The following NECTIN3 variants were observed in gnomAD, a reference collection of about 807,000 sequenced individuals.
The protein encoded by NECTIN3 is nectin cell adhesion molecule 3.
In NECTIN3, 8 loss-of-function variants were observed where a neutral mutation model predicts 49.4. The observed-to-expected ratio is 0.16, with a 90% CI of 0.10 to 0.29. The LOEUF is 0.29. NECTIN3 is among the 10% of genes least tolerant of loss of function. The pLI, the probability that NECTIN3 is intolerant of heterozygous loss-of-function variation, is 1.00. For synonymous variants in NECTIN3, 277 were observed against 241.1 expected (o/e 1.15, Z -1.38); for missense variants, 581 against 654.6 (o/e 0.89, Z 1.23).
At chr3:111,128,510 G>A (rs767818231) in intron 5 of NECTIN3, among the ~76,000 whole-genome samples, 2 of 151,924 alleles carry the variant, frequency 1.3e-5, no homozygotes, top group Non-Finnish European at 2.9e-5. Flanking sequence ...AGTCTAATAG[G>A]TATTTACAAC....
At position 111,136,409 on chromosome 3, in the gene NECTIN3, A is replaced by G; in HGVS notation, c.*2194A>G. On this transcript the variant is annotated 3_prime_UTR_variant, in exon 6 of 6. Coordinates refer to ENST00000485303, the MANE Select transcript of NECTIN3 (RefSeq NM_015480.3). ...GGGAGAGGGTGACCTGGAAAGCCAC[A>G]AGTGAGTATTTGACATATTCTGTAT... 1 of 984,600 alleles carries G rather than the reference A, an allele frequency of 1.0e-6. No homozygotes were observed. The highest frequency in any genetic ancestry group is 1.2e-6 in the Non-Finnish European group (1 of 829,372). 61.0% of individuals were successfully genotyped at this position (984,600 alleles called of 1,614,324 possible).
intron 5 of NECTIN3, 83 bp downstream of exon 5, chr3:111,126,418 T>C: frequency 5.0e-6 from 6 of 1,189,404 alleles, no homozygotes; most frequent in Non-Finnish European, 7.1e-6. Context: ...AAGCAATAAT[T>C]TGTACTTGTA....
intron 4 of NECTIN3, among the ~76,000 whole-genome samples, chr3:111,125,022 CTTTT>C (rs869201432): frequency 1.1e-3 from 102 of 90,198 alleles, no homozygotes; most frequent in African/African-American, 4.4e-3. Flanking sequence ...TCTTTTCTTT[CTTTT>C]TTTTTTTTTT....
chr3:111,167,286 A>G (rs114850094), intron 7 of NECTIN3, among the ~76,000 whole-genome samples: 1,698 of 152,334 alleles, frequency 0.011, 13 homozygotes, highest in Middle Eastern at 0.041. Context: ...TAAGAAAGGC[A>G]TTAGAATCAG....
At chr3:111,128,323 C>CAA (rs879296773) in intron 5 of NECTIN3, among the ~76,000 whole-genome samples, 7 of 84,568 alleles carry the variant, frequency 8.3e-5, no homozygotes, top group South Asian at 3.6e-4. Context: ...AACTCTGTCT[C>CAA]AAAAAAAAAA....
intron 7 of NECTIN3, among the ~76,000 whole-genome samples, chr3:111,179,353 C>G (rs2107531292): frequency 6.6e-6 from 1 of 152,270 alleles, no homozygotes; most frequent in South Asian, 2.1e-4. Flanking sequence ...GGTTTCTCAA[C>G]AAAGCTAGCA....
At position 111,083,847 on chromosome 3, in the gene NECTIN3, C is replaced by T. The variant is rs145308300; in HGVS notation, c.160+11670C>T. ...AGGTCATTACCTGCTGTCTCCTGGA[C>T]GCTGGATGATATAGCCTTGTCTCTG... On this transcript the variant is annotated intron_variant, in intron 1 of 5. Transcript: ENST00000485303. Among the ~76,000 whole-genome samples the T allele has an allele frequency of 6.6e-5, 10 of 152,304 alleles. No homozygotes were observed. The East Asian group carries it at 9.7e-4, about 15-fold the overall frequency.
At chr3:111,141,331 A>C (rs969853202), downstream of NECTIN3, among the ~76,000 whole-genome samples, 1 of 151,942 alleles carries the variant, frequency 6.6e-6, no homozygotes, top group Non-Finnish European at 1.5e-5. Context: ...CTGTGATGTC[A>C]TCACTAAAGT....
upstream of NECTIN3, among the ~76,000 whole-genome samples, chr3:111,187,855 C>T (rs1238484285): frequency 6.6e-6 from 1 of 152,116 alleles, no homozygotes; most frequent in African/African-American, 2.4e-5. Flanking sequence ...TGTGATACTA[C>T]AAGAGTAGAT....
chr3:111,145,447 C>G (rs999378863), intron 6 of NECTIN3, among the ~76,000 whole-genome samples: 1 of 152,084 alleles, frequency 6.6e-6, no homozygotes, highest in Non-Finnish European at 1.5e-5. Context: ...ACTGAACTAT[C>G]AAGTTATTAA....
At chr3:111,123,790 C>G (rs1340246901) in intron 4 of NECTIN3, among the ~76,000 whole-genome samples, 1 of 152,166 alleles carries the variant, frequency 6.6e-6, no homozygotes, top group Non-Finnish European at 1.5e-5. Flanking sequence ...TGAAGTACAA[C>G]TTTTCAACTT....
rs1036845546 is a variant in NECTIN3 at position 111,112,117 on chromosome 3, A to G, written c.248A>G (p.Asn83Ser). The change falls in exon 2 of 6, where the codon AAT becomes AGT. Residue 83 changes from asparagine (N) to serine (S), a missense_variant. Asn to Ser is a conservative substitution (Grantham distance 46). Coordinates refer to ENST00000485303, the MANE Select transcript of NECTIN3 (RefSeq NM_015480.3). ...NVSLKCLIEV[N>S]ETITQISWEK... ...TCATTAAAGTGTTTAATTGAAGTAA[A>G]TGAAACCATAACACAGATTTCATGG... 6.2e-6 allele frequency: 10 copies of G among 1,613,842 alleles called. 1 individual carries two copies. The East Asian group carries it at 2.2e-4, about 36-fold the overall frequency.
intron 1 of NECTIN3, among the ~76,000 whole-genome samples, chr3:111,098,727 C>T (rs1442097168): frequency 1.3e-5 from 2 of 152,226 alleles, no homozygotes; most frequent in East Asian, 3.9e-4. Context: ...TTTTCCAGTA[C>T]AATATGTGAA....
At position 111,133,922 on chromosome 3, in the gene NECTIN3, T is replaced by G. The variant is rs1484004485; in HGVS notation, c.1357T>G (p.Ser453Ala). ...YIPPSDMQKE[S>A]QIDVLQQDEL... ...TCCACCATCAGATATGCAAAAAGAA[T>G]CACAAATAGATGTTCTTCAACAAGA... is the stretch of plus-strand genomic sequence containing the variant. The change falls in exon 6 of 6, where the codon TCA becomes GCA. Residue 453 changes from serine to alanine, a missense_variant. Ser to Ala is a moderately conservative substitution (Grantham distance 99). Around this residue, in one of 3 missense-constraint regions of NECTIN3, gnomAD observed 238 missense variants for 244.9 expected, o/e 0.97. Coordinates refer to ENST00000485303, the MANE Select transcript of NECTIN3 (RefSeq NM_015480.3). 8 of 1,613,694 alleles carry G rather than the reference T, an allele frequency of 5.0e-6. No individual in the cohort carries two copies. The highest frequency in any genetic ancestry group is 6.8e-6 in the Non-Finnish European group (8 of 1,179,866).
At chr3:111,129,152 G>A (rs984690409) in intron 5 of NECTIN3, among the ~76,000 whole-genome samples, 1 of 152,050 alleles carries the variant, frequency 6.6e-6, no homozygotes, top group African/African-American at 2.4e-5. Context: ...CTTTTACCAG[G>A]TATCATCAGA....
intron 6 of NECTIN3, among the ~76,000 whole-genome samples, chr3:111,145,593 C>T (rs2034855090): frequency 6.6e-6 from 1 of 152,130 alleles, no homozygotes; most frequent in African/African-American, 2.4e-5. Context: ...GCAGAAATTG[C>T]ACCTTGCTGT....
chr3:111,074,575 G>A (rs1053924647), intron 1 of NECTIN3, among the ~76,000 whole-genome samples: 1 of 152,070 alleles, frequency 6.6e-6, no homozygotes, highest in South Asian at 2.1e-4. Flanking sequence ...TGGTGGACCT[G>A]ATATTCTGAA....
At position 111,169,129 on chromosome 3, in the gene NECTIN3, G is replaced by A. The variant is rs550574550; in HGVS notation, c.1221+21645G>A. 6.6e-3 allele frequency among the ~76,000 whole-genome samples: 772 copies of A among 116,318 alleles called. 7 individuals are homozygous for A. Among genetic ancestry groups the A allele is most frequent in the African/African-American group, 0.025 (719 of 28,978 alleles). 76.3% of individuals were successfully genotyped at this position (116,318 alleles called of 152,430 possible). The stretch of plus-strand genomic sequence containing the variant: ...TTTTGAGACGGAGTCTCGCTCTGTC[G>A]CCCAGGCTGGAGTGCAGTGGCGCAA... On this transcript the variant is annotated intron_variant, in intron 7 of 8. Transcript: ENST00000493615.
chr3:111,134,095 T>C lies in NECTIN3; in HGVS notation c.1530T>C (p.Tyr510=). The C allele has an allele frequency of 6.2e-7, 1 of 1,613,670 alleles. No homozygotes were observed. Among genetic ancestry groups the C allele is most frequent in the Non-Finnish European group, 8.5e-7 (1 of 1,179,712 alleles). ...NLNRFERPMD[Y]YEDLKMGMKF... is the part of the protein sequence containing the mutation. ...ATAGGTTTGAAAGACCAATGGATTATTATGAAGATCTAAAAATGGGAATGA... is the reference window on the plus strand; with the variant it reads ...ATAGGTTTGAAAGACCAATGGATTACTATGAAGATCTAAAAATGGGAATGA... The change falls in exon 6 of 6, where the codon TAT becomes TAC. Residue 510 remains tyrosine, a synonymous_variant. Transcript: ENST00000485303.
Sources: gnomAD v4.1 joint callset for allele counts (sites outside exome capture counted in the v4.1 genomes callset) on GRCh38, gnomAD v4.1.1 for gene constraint, gnomAD v4.1.1 regional missense constraint, MANE v1.5 for transcripts, NCBI Gene and HGNC (gene_info 2026-07-23, HGNC 2026-07-21) for gene names.